The following FBN1 variants were observed in gnomAD, a reference collection of about 807,000 sequenced individuals.
FBN1 encodes fibrillin-1.
FBN1 carries 29 observed loss-of-function variants against 365.1 expected under a neutral mutation model. That is an observed-to-expected ratio of 0.08 (90% confidence interval 0.06 to 0.11). FBN1 has a LOEUF of 0.11. FBN1 is among the 10% of genes least tolerant of loss of function. The probability of loss-of-function intolerance (pLI) is 1.00; values close to 1 mark genes in which losing one functional copy is unlikely to be tolerated. For missense variants in FBN1, 2,476 were observed against 3,703.2 expected, an observed-to-expected ratio of 0.67 and a Z score of 8.60; for synonymous variants, 1,210 against 1,270.5, an observed-to-expected ratio of 0.95 and a Z score of 1.01.
rs1177202541 is a variant in FBN1, at chr15:48,409,168, T to C, written c.*1822A>G. 3 of 152,224 alleles carry C rather than the reference T, an allele frequency of 2.0e-5. No homozygotes were observed. Among genetic ancestry groups the C allele is most frequent in the African/African-American group, 4.8e-5 (2 of 41,450 alleles). 9.4% of individuals were successfully genotyped at this position (152,224 alleles called of 1,614,324 possible). ...GGAAGAAAGCATCTTTGTCCAATGGTTGCCATTAAGCCTAGACTGAAACTC... is the reference window on the plus strand; with the variant it reads ...GGAAGAAAGCATCTTTGTCCAATGGCTGCCATTAAGCCTAGACTGAAACTC... On this transcript the variant is annotated 3_prime_UTR_variant, in exon 66 of 66. Transcript: ENST00000316623.
At chr15:48,465,933 T>C in intron 38 of FBN1, 75 bp from the exon 39 acceptor site, 3 of 990,324 alleles carry the variant, frequency 3.0e-6, no homozygotes. Flanking sequence ...AGAGAAATAC[T>C]CACATATCCA....
At chr15:48,491,895 C>T (rs1354916046) in intron 24 of FBN1, among the ~76,000 whole-genome samples, 1 of 152,170 alleles carries the variant, frequency 6.6e-6, no homozygotes, top group Non-Finnish European at 1.5e-5. Flanking sequence ...GGACTTAGGA[C>T]TTAGAGTTCT....
At chr15:48,424,376 C>T (rs1359671190) in intron 60 of FBN1, among the ~76,000 whole-genome samples, 1 of 152,204 alleles carries the variant, frequency 6.6e-6, no homozygotes, top group Non-Finnish European at 1.5e-5. Flanking sequence ...TCTCTGCTCT[C>T]CACTTCTCTC....
intron 2 of FBN1, among the ~76,000 whole-genome samples, chr15:48,639,291 G>T (rs1188677209): frequency 1.3e-5 from 2 of 152,170 alleles, no homozygotes; most frequent in Non-Finnish European, 2.9e-5. Context: ...CTTGTAGAGT[G>T]GCTATGAGGA....
At chr15:48,425,249 A>C in intron 60 of FBN1, 120 bp downstream of exon 60, 2 of 1,361,480 alleles carry the variant, frequency 1.5e-6, no homozygotes, top group Non-Finnish European at 2.1e-6. Flanking sequence ...CATTAACCCC[A>C]GGGAAGCACC....
intron 12 of FBN1, among the ~76,000 whole-genome samples, chr15:48,514,964 A>G (rs561792451): frequency 6.6e-6 from 1 of 152,322 alleles, no homozygotes; most frequent in South Asian, 2.1e-4. Context: ...TGAGATGGAG[A>G]GTCTCCTGGA....
chr15:48,582,810 G>A (rs2044405968), intron 6 of FBN1, among the ~76,000 whole-genome samples: 1 of 152,130 alleles, frequency 6.6e-6, no homozygotes. Context: ...GTCCCTGTGG[G>A]AGCACAAGGA....
In FBN1 at chr15:48,425,841, G is replaced by C. The variant is rs548057493; in HGVS notation, c.7228C>G (p.His2410Asp). Reference protein sequence around the residue: ...GADIDECKVIHDVCRNGECVN... With the variant: ...GADIDECKVIDDVCRNGECVN... ...CATTCCCCATTTCGGCAAACATCGTGAATAACCTTGCATTCATCGATATCT... is the reference window on the plus strand; with the variant it reads ...CATTCCCCATTTCGGCAAACATCGTCAATAACCTTGCATTCATCGATATCT... Residue 2410 changes from histidine (H) to aspartate (D), a missense_variant, in exon 59 of 66, where the codon CAC (histidine) becomes GAC (aspartate). Physicochemically the swap from His to Asp is moderately conservative, Grantham distance 81. Around this residue, in one of 5 missense-constraint regions of FBN1, gnomAD observed 1,780 missense variants for 2,840.8 expected, o/e 0.63. Coordinates refer to ENST00000316623, the MANE Select transcript of FBN1 (RefSeq NM_000138.5). 5 of 1,610,618 alleles carry C rather than the reference G, an allele frequency of 3.1e-6. No individual in the cohort carries two copies. Among genetic ancestry groups the C allele is most frequent in the Non-Finnish European group, 4.2e-6 (5 of 1,177,088 alleles).
chr15:48,421,717 T>C (rs1250463899), intron 61 of FBN1, 31 bp from the exon 62 acceptor site: 1 of 1,609,430 alleles, frequency 6.2e-7, no homozygotes, highest in Admixed American at 1.7e-5. Flanking sequence ...AAAGAGGGGT[T>C]AAAATTCCCC....
In FBN1 at chr15:48,516,467, T is replaced by C. The variant is rs944798255; in HGVS notation, c.1148-105A>G. On this transcript the variant is annotated intron_variant, in intron 10 of 65. Coordinates refer to ENST00000316623, the MANE Select transcript of FBN1 (RefSeq NM_000138.5). Reference sequence around the variant, plus strand: ...TTTTAAAGATATTTTTGAATAAAATTGATCCTCAAAATTCACAGGTCAACT... The same window carrying C: ...TTTTAAAGATATTTTTGAATAAAATCGATCCTCAAAATTCACAGGTCAACT... The C allele has an allele frequency of 5.7e-6, 7 of 1,224,674 alleles. No homozygotes were observed. The African/African-American group carries it at 1.1e-4, about 18-fold the overall frequency. The allele number at this position is 1,224,674 out of a possible 1,614,324, so 75.9% of individuals were successfully genotyped here. A position where few individuals can be genotyped will look rare whatever the true frequency, so the allele number is the denominator to read the frequency against.
chr15:48,490,836 C>T (rs557083924), intron 24 of FBN1, among the ~76,000 whole-genome samples: 69 of 152,312 alleles, frequency 4.5e-4, no homozygotes, highest in African/African-American at 1.6e-3. Flanking sequence ...ACATCTGTTA[C>T]AGGATGTTGC....
rs748327743 is a variant in FBN1 at position 48,411,279 on chromosome 15, C to A, written c.8327G>T (p.Arg2776Leu). ...FNISHVSNKV[R>L]ILELLPALTT... is the part of the protein sequence containing the mutation. ...AAGAGCTGGAAGGAGTTCTAGGATT[C>A]GAACCTTGTTACTGACGTGGGAAAT... is the stretch of plus-strand genomic sequence containing the variant. The change falls in exon 66 of 66, where the codon CGA (arginine) becomes CTA (leucine). Residue 2776 changes from arginine to leucine, a missense_variant. By Grantham distance (102) the Arg-to-Leu change is moderately radical. Transcript: ENST00000316623. The A allele has an allele frequency of 3.1e-6, 5 of 1,614,028 alleles. No homozygotes were observed. The highest frequency in any genetic ancestry group is 4.2e-6 in the Non-Finnish European group (5 of 1,179,988).
intron 53 of FBN1, among the ~76,000 whole-genome samples, chr15:48,435,323 T>C (rs1388813146): frequency 6.7e-6 from 1 of 150,186 alleles, no homozygotes; most frequent in Non-Finnish European, 1.5e-5. Context: ...GCTCTAAGGG[T>C]TAAAAAAAAA....
At chr15:48,592,055 CT>C (rs1208031372) in intron 6 of FBN1, among the ~76,000 whole-genome samples, 2 of 152,222 alleles carry the variant, frequency 1.3e-5, no homozygotes, top group South Asian at 2.1e-4. Flanking sequence ...AGCACACCCC[CT>C]GGCACACTGC....
intron 36 of FBN1, 45 bp from the exon 37 acceptor site, chr15:48,468,579 T>C (rs2043342316): frequency 1.9e-6 from 3 of 1,611,156 alleles, no homozygotes; most frequent in African/African-American, 2.7e-5. Flanking sequence ...TGAGCCAGTG[T>C]AGGCAGACAT....
At chr15:48,485,173 A>G (rs2087389753) in intron 30 of FBN1, among the ~76,000 whole-genome samples, 1 of 152,232 alleles carries the variant, frequency 6.6e-6, no homozygotes, top group Admixed American at 6.5e-5. Flanking sequence ...TAAGCTCTGT[A>G]AATACTATTT....
rs113422242 is a variant in FBN1, at chr15:48,510,065, G to C, written c.1693C>G (p.Arg565Gly). The stretch of plus-strand genomic sequence containing the variant: ...TTACCTTCACAGTTCTTCCCATCTC[G>C]TGTAACATGAAAGCCCGCATTACAC... ...CVCNAGFHVT[R>G]DGKNCEDMDE... Residue 565 changes from arginine (R) to glycine (G), a missense_variant, in exon 14 of 66, where the codon CGA becomes GGA. Arg to Gly is a moderately radical substitution (Grantham distance 125, BLOSUM62 -2). Around this residue, in one of 5 missense-constraint regions of FBN1, gnomAD observed 1,780 missense variants for 2,840.8 expected, o/e 0.63. Transcript: ENST00000316623. 5.0e-6 allele frequency: 8 copies of C among 1,613,206 alleles called. No individual in the cohort carries two copies. Among genetic ancestry groups the C allele is most frequent in the Admixed American group, 1.7e-5 (1 of 59,960 alleles).
intron 6 of FBN1, among the ~76,000 whole-genome samples, chr15:48,552,224 G>C (rs1171291300): frequency 6.6e-6 from 1 of 150,428 alleles, no homozygotes; most frequent in African/African-American, 2.4e-5. Context: ...TCTCATTGTG[G>C]TTTTATAAAG....
chr15:48,596,259 G>A (rs932603794), intron 6 of FBN1, 24 bp downstream of exon 6: 11 of 1,602,934 alleles, frequency 6.9e-6, no homozygotes, highest in Admixed American at 5.0e-5. Flanking sequence ...ATGTCTTTAC[G>A]TAAATGATTT....
Sources: gnomAD v4.1 joint callset for allele counts (sites outside exome capture counted in the v4.1 genomes callset) on GRCh38, gnomAD v4.1.1 for gene constraint, gnomAD v4.1.1 regional missense constraint, MANE v1.5 for transcripts, NCBI Gene and HGNC (gene_info 2026-07-23, HGNC 2026-07-21) for gene names.